The following ADGRE2 variants were observed in gnomAD, a reference collection of about 807,000 sequenced individuals.
The protein encoded by ADGRE2 is CD97 antigen.
In ADGRE2, 83 loss-of-function variants were observed where a neutral mutation model predicts 100.8. That is an observed-to-expected ratio of 0.82 (90% CI 0.69 to 0.99). The LOEUF (loss-of-function observed/expected upper bound fraction) is 0.99. Ranked by LOEUF, ADGRE2 falls within the 50% of genes least tolerant of loss-of-function variation. ADGRE2 has a pLI of 0.00. For synonymous variants in ADGRE2, 355 were observed against 413.0 expected (o/e 0.86, Z 1.70); for missense variants, 814 against 1,035.7 (o/e 0.79, Z 2.94).
Position 14,755,128 on chromosome 19 carries a change from C to A in ADGRE2, c.1417-1G>T. 4 of 1,613,662 alleles carry A rather than the reference C, an allele frequency of 2.5e-6. No individual in the cohort carries two copies. Among genetic ancestry groups the A allele is most frequent in the Non-Finnish European group, 3.4e-6 (4 of 1,179,760 alleles). ...GCACCTTCTGTCTCGGGATCACTGA[C>A]TGCAGGAACAGAACACAGGTGTGGG... On this transcript the variant is annotated splice_acceptor_variant, in intron 13 of 20. Coordinates refer to ENST00000315576, the MANE Select transcript of ADGRE2 (RefSeq NM_013447.4). LOFTEE classifies it high-confidence loss of function.
rs201874467 is a variant in ADGRE2, at chr19:14,752,390, G to A, written c.1727C>T (p.Ser576Leu). Residue 576 changes from serine to leucine, a missense_variant, in exon 15 of 21, where the codon TCG becomes TTG. Coordinates refer to ENST00000315576, the MANE Select transcript of ADGRE2 (RefSeq NM_013447.4). ...NTSTSLHLQL[S>L]LCLFLAHLLF... Reference sequence around the variant, plus strand: ...GAGGTGGGCCAGGAAGAGGCAGAGCGAGAGCTGCAGATGCAGTGAGGTGCT... The same window carrying A: ...GAGGTGGGCCAGGAAGAGGCAGAGCAAGAGCTGCAGATGCAGTGAGGTGCT... The A allele has an allele frequency of 1.0e-4, 161 of 1,614,056 alleles. No homozygotes were observed. Among genetic ancestry groups the A allele is most frequent in the Middle Eastern group, 3.3e-4 (2 of 6,084 alleles).
chr19:14,764,676 G>A (rs919946596), intron 10 of ADGRE2, 66 bp from the exon 11 acceptor site: 42 of 1,482,364 alleles, frequency 2.8e-5, no homozygotes, highest in East Asian at 2.5e-4. Flanking sequence ...GACTCCAACC[G>A]CTCAGCCCCA....
At chr19:14,744,338 T>A (rs1369099557) in intron 18 of ADGRE2, among the ~76,000 whole-genome samples, 1 of 152,142 alleles carries the variant, frequency 6.6e-6, no homozygotes, top group Non-Finnish European at 1.5e-5. Context: ...CAACCAGGCA[T>A]GACACACAAA....
intron 11 of ADGRE2, among the ~76,000 whole-genome samples, chr19:14,757,866 C>T (rs1362119524): frequency 6.6e-6 from 1 of 152,176 alleles, no homozygotes; most frequent in African/African-American, 2.4e-5. Flanking sequence ...TGTAGTGGCA[C>T]AATCTCAGCT....
rs1339814132 is a variant in ADGRE2 at position 14,772,280 on chromosome 19, A to G, written c.355+62T>C. The G allele has an allele frequency of 1.9e-6, 3 of 1,604,750 alleles. No homozygotes were observed. The Admixed American group carries it at 5.0e-5, about 27-fold the overall frequency. ...TACCTGCTCCCTGGATGCTGCAGAA[A>G]CAGCTCTGGTGACCCCAAACCTCAT... On this transcript the variant is annotated intron_variant, in intron 5 of 20. Transcript: ENST00000315576.
intron 11 of ADGRE2, among the ~76,000 whole-genome samples, chr19:14,757,134 C>A (rs2043527974): frequency 6.6e-6 from 1 of 152,092 alleles, no homozygotes; most frequent in Non-Finnish European, 1.5e-5. Context: ...AACTCCTGGG[C>A]TCAAGCAATT....
At chr19:14,726,694 C>T in the ADGRE2 span, among the ~76,000 whole-genome samples, 16 of 152,270 alleles carry the variant, frequency 1.1e-4, no homozygotes, top group African/African-American at 2.2e-4. Context: ...AGGACATAGA[C>T]GCAATGCTGC....
Position 14,752,536 on chromosome 19 carries a change from G to A in ADGRE2, c.1591-10C>T, listed in dbSNP as rs778651472. The A allele has an allele frequency of 1.6e-5, 25 of 1,612,726 alleles. 1 individual carries two copies. The highest frequency in any genetic ancestry group is 1.5e-4 in the South Asian group (14 of 90,906). On this transcript the variant is annotated splice_polypyrimidine_tract_variant and intron_variant, in intron 14 of 20. Coordinates refer to ENST00000315576, the MANE Select transcript of ADGRE2 (RefSeq NM_013447.4). ...GCACGGGATCCTCCTCCTGGGACCC[G>A]GAAAAGAAGAGTTCACAGTGATGCT... is the stretch of plus-strand genomic sequence containing the variant.
intron 14 of ADGRE2, among the ~76,000 whole-genome samples, chr19:14,753,541 A>G (rs1186311782): frequency 6.6e-6 from 1 of 151,950 alleles, no homozygotes; most frequent in Non-Finnish European, 1.5e-5. Flanking sequence ...TGCCTGTAAT[A>G]CCAGCACTTT....
At chr19:14,746,175 C>T (rs867894013) in intron 18 of ADGRE2, 57 bp downstream of exon 18, 1 of 1,083,280 alleles carries the variant, frequency 9.2e-7, no homozygotes, top group Non-Finnish European at 1.4e-6. Flanking sequence ...AGGCACATGG[C>T]TTGGCTCTTG....
At chr19:14,766,623 T>G (rs1396889862) in intron 6 of ADGRE2, among the ~76,000 whole-genome samples, 2 of 152,120 alleles carry the variant, frequency 1.3e-5, no homozygotes, top group Non-Finnish European at 2.9e-5. Context: ...GGAAACTGAG[T>G]CATGGGAGCT....
rs752262553 is a variant in ADGRE2, at chr19:14,743,407, T to TGCGTG, written c.2463+8_2463+12dup. 2 of 1,608,722 alleles carry TGCGTG rather than the reference T, an allele frequency of 1.2e-6. No homozygotes were observed. Among genetic ancestry groups the TGCGTG allele is most frequent in the Non-Finnish European group, 1.7e-6 (2 of 1,175,014 alleles). ...CGGTTAGTGAAGTGCTCTGGAGCAA[T>TGCGTG]GCGTGATCTTACCGTGCTGGGTTTG... On this transcript the variant is annotated intron_variant, in intron 20 of 20. Coordinates refer to ENST00000315576, the MANE Select transcript of ADGRE2 (RefSeq NM_013447.4).
intron 11 of ADGRE2, 98 bp from the exon 12 acceptor site, chr19:14,756,443 T>G: frequency 1.3e-6 from 1 of 750,244 alleles, no homozygotes; most frequent in Non-Finnish European, 2.3e-6. Flanking sequence ...TATACATATA[T>G]AGTCTGAAGT....
rs747714874 is a variant in ADGRE2, at chr19:14,752,543, A to C, written c.1591-17T>G. The C allele has an allele frequency of 2.5e-6, 4 of 1,612,534 alleles. No individual in the cohort carries two copies. The Admixed American group carries it at 6.7e-5, about 27-fold the overall frequency. ...ATCCTCCTCCTGGGACCCGGAAAAGAAGAGTTCACAGTGATGCTTTCCTGC... is the reference window on the plus strand; with the variant it reads ...ATCCTCCTCCTGGGACCCGGAAAAGCAGAGTTCACAGTGATGCTTTCCTGC... On this transcript the variant is annotated splice_polypyrimidine_tract_variant and intron_variant, in intron 14 of 20. Transcript: ENST00000315576.
At chr19:14,754,889 C>T in intron 14 of ADGRE2, 65 bp downstream of exon 14, 1 of 1,561,592 alleles carries the variant, frequency 6.4e-7, no homozygotes, top group Non-Finnish European at 8.8e-7. Context: ...TAAAAGGCTG[C>T]TACGTCTCTG....
chr19:14,773,001 C>T (rs2044266158), intron 4 of ADGRE2, among the ~76,000 whole-genome samples: 1 of 140,320 alleles, frequency 7.1e-6, no homozygotes, highest in Non-Finnish European at 1.5e-5. Context: ...ATCGCTTGAA[C>T]CTGGGAGGTG....
Position 14,774,146 on chromosome 19 carries a change from C to T in ADGRE2, c.83-92G>A, listed in dbSNP as rs1343501579. 31 of 1,523,210 alleles carry T rather than the reference C, an allele frequency of 2.0e-5. No homozygotes were observed. The East Asian group carries it at 6.3e-4, about 31-fold the overall frequency. The allele number at this position is 1,523,210 out of a possible 1,614,324, so 94.4% of individuals were successfully genotyped here. A position where few individuals can be genotyped will look rare whatever the true frequency, so the allele number is the denominator to read the frequency against. On this transcript the variant is annotated intron_variant, in intron 3 of 20. Transcript: ENST00000315576. ...GGAGATGGGGCAGAGCGCTGAGTTT[C>T]CCGTGCACGAGCCCTCTCTTTCCCT... is the stretch of plus-strand genomic sequence containing the variant.
intron 2 of ADGRE2, among the ~76,000 whole-genome samples, chr19:14,775,963 C>T (rs150696967): frequency 0.024 from 3,670 of 152,000 alleles, 54 homozygotes; most frequent in East Asian, 0.064. Context: ...CCACAACCGC[C>T]GCCAGCCCTG....
chr19:14,764,049 T>TTCC (rs746074940), intron 11 of ADGRE2, among the ~76,000 whole-genome samples: 1 of 149,828 alleles, frequency 6.7e-6, no homozygotes, highest in African/African-American at 2.5e-5. Flanking sequence ...CTTCTTCTTC[T>TTCC]TCCTCCTCCT....
Sources: allele counts gnomAD v4.1 joint callset (sites outside exome capture counted in the v4.1 genomes callset), GRCh38; gene constraint gnomAD v4.1.1; transcripts MANE v1.5; gene names NCBI Gene and HGNC (gene_info 2026-07-23, HGNC 2026-07-21).